Variants in HDAC8 observed in about 807,000 individuals in gnomAD.
The protein encoded by HDAC8 is histone deacetylase 8.
Under a neutral mutation model 32.2 loss-of-function variants are expected in HDAC8, and 1 was observed. That is an observed-to-expected ratio of 0.03 (90% confidence interval 0.01 to 0.15). The LOEUF (loss-of-function observed/expected upper bound fraction) is 0.15. Among genes scored for constraint, HDAC8 ranks in the 10% least tolerant of loss-of-function variants. HDAC8 has a pLI of 1.00. For missense variants in HDAC8, 117 were observed against 300.0 expected, an observed-to-expected ratio of 0.39 and a Z score of 4.51; for synonymous variants, 108 against 113.9, an observed-to-expected ratio of 0.95 and a Z score of 0.33.
chrX:72,397,583 A>G (rs2045797199), intron 9 of HDAC8, among the ~76,000 whole-genome samples: 1 of 111,682 alleles, frequency 9.0e-6, no homozygotes, highest in African/African-American at 3.3e-5. Flanking sequence ...CTCCCTGCAC[A>G]CTTCCTCCAC....
At chrX:72,477,573 A>C (rs1378293788) in intron 7 of HDAC8, among the ~76,000 whole-genome samples, 2 of 112,053 alleles carry the variant, frequency 1.8e-5, no homozygotes, top group African/African-American at 3.2e-5. Context: ...GCTCATCAAA[A>C]TATAATATCC....
chrX:72,404,100 TTTA>T, intron 9 of HDAC8, among the ~76,000 whole-genome samples: 1 of 111,920 alleles, frequency 8.9e-6, no homozygotes, highest in East Asian at 2.8e-4. Flanking sequence ...AAGCTATATA[TTTA>T]GATTTATTTA....
At chrX:72,387,567 C>T (rs892897986) in intron 9 of HDAC8, among the ~76,000 whole-genome samples, 2 of 111,634 alleles carry the variant, frequency 1.8e-5, no homozygotes, top group Non-Finnish European at 1.9e-5. Flanking sequence ...AGCCACCCTG[C>T]CTGGGTCTGA....
intron 4 of HDAC8, among the ~76,000 whole-genome samples, chrX:72,539,642 A>G (rs371321480): frequency 9.0e-6 from 1 of 111,605 alleles, no homozygotes; most frequent in East Asian, 2.8e-4. Flanking sequence ...GATTCCATTA[A>G]TGAAAAATTC....
intron 5 of HDAC8, among the ~76,000 whole-genome samples, chrX:72,491,484 A>G (rs1487674934): frequency 8.9e-6 from 1 of 112,328 alleles, no homozygotes; most frequent in Non-Finnish European, 1.9e-5. Flanking sequence ...AATATGACCA[A>G]TAGAAACATT....
At chrX:72,471,114 T>A (rs1415812970) in intron 7 of HDAC8, among the ~76,000 whole-genome samples, 1 of 112,427 alleles carries the variant, frequency 8.9e-6, no homozygotes. Context: ...AATCATATAA[T>A]GTTTTCTTTT....
chrX:72,504,969 G>A (rs868961358), intron 4 of HDAC8, among the ~76,000 whole-genome samples: 39 of 111,440 alleles, frequency 3.5e-4, no homozygotes, highest in African/African-American at 1.2e-3. Flanking sequence ...ATGATGTCAA[G>A]CATTGTTTTA....
intron 4 of HDAC8, among the ~76,000 whole-genome samples, chrX:72,530,186 C>T (rs782168298): frequency 4.4e-4 from 49 of 112,028 alleles, no homozygotes; most frequent in African/African-American, 6.5e-4. Flanking sequence ...GCTTACTTTC[C>T]CCTTGACTAG....
intron 4 of HDAC8, chrX:72,567,659 A>C: frequency 2.9e-6 from 3 of 1,049,953 alleles, no homozygotes; most frequent in Non-Finnish European, 4.0e-6. Flanking sequence ...CAGTTAGCCA[A>C]GTTAGAAAAA....
intron 9 of HDAC8, among the ~76,000 whole-genome samples, chrX:72,419,981 T>C (rs1555973041): frequency 8.9e-6 from 1 of 111,791 alleles, no homozygotes. Flanking sequence ...ATAATGACGT[T>C]AATATATGGT....
chrX:72,425,500 CTGT>C (rs1555975119), intron 9 of HDAC8, among the ~76,000 whole-genome samples: 2 of 111,719 alleles, frequency 1.8e-5, no homozygotes, highest in African/African-American at 3.3e-5. Flanking sequence ...AATGTGGATT[CTGT>C]TGTTATTTGG....
At chrX:72,384,501 G>T (rs1249974386) in intron 9 of HDAC8, among the ~76,000 whole-genome samples, 1 of 111,127 alleles carries the variant, frequency 9.0e-6, no homozygotes, top group African/African-American at 3.3e-5. Context: ...ATTGGGGTGG[G>T]GGGTACAACC....
chrX:72,385,280 T>C (rs1396271033), intron 9 of HDAC8, among the ~76,000 whole-genome samples: 3 of 110,820 alleles, frequency 2.7e-5, no homozygotes, highest in African/African-American at 6.6e-5. Context: ...CTGGGCACCA[T>C]AGCAAGATCT....
At chrX:72,545,229 A>T (rs1444151105) in intron 4 of HDAC8, among the ~76,000 whole-genome samples, 1 of 111,966 alleles carries the variant, frequency 8.9e-6, no homozygotes, top group Non-Finnish European at 1.9e-5. Flanking sequence ...CATATGGACA[A>T]AGGGTAGTGG....
chrX:72,506,670 C>T, intron 4 of HDAC8, among the ~76,000 whole-genome samples: 1 of 110,662 alleles, frequency 9.0e-6, no homozygotes, highest in Non-Finnish European at 1.9e-5. Flanking sequence ...AGGGGGAAAC[C>T]ACATATAAAC....
At chrX:72,572,597 C>T in intron 1 of HDAC8, 54 bp downstream of exon 1, 1 of 532,636 alleles carries the variant, frequency 1.9e-6, no homozygotes, top group Non-Finnish European at 2.9e-6. Context: ...CTTTCGTCCA[C>T]CGCCCCCACC....
intron 4 of HDAC8, among the ~76,000 whole-genome samples, chrX:72,535,069 C>G (rs2050479267): frequency 8.9e-6 from 1 of 111,761 alleles, no homozygotes; most frequent in South Asian, 3.8e-4. Flanking sequence ...CTTTTATGAT[C>G]CAGGGTTGGG....
At chrX:72,471,652 T>C (rs1231546469) in intron 7 of HDAC8, among the ~76,000 whole-genome samples, 3 of 112,441 alleles carry the variant, frequency 2.7e-5, no homozygotes, top group Non-Finnish European at 5.6e-5. Flanking sequence ...GTGTATCTTC[T>C]TTGAAATAAT....
intron 4 of HDAC8, among the ~76,000 whole-genome samples, chrX:72,554,416 A>G (rs1412088797): frequency 1.9e-5 from 2 of 106,606 alleles, no homozygotes; most frequent in Non-Finnish European, 3.9e-5. Flanking sequence ...AGGGAGGCTC[A>G]TGGTCTGGGG....
Sources: gnomAD v4.1 joint callset for allele counts (sites outside exome capture counted in the v4.1 genomes callset) on GRCh38, gnomAD v4.1.1 for gene constraint, MANE v1.5 for transcripts, NCBI Gene and HGNC (gene_info 2026-07-23, HGNC 2026-07-21) for gene names.